Variants in RBM19 observed in about 807,000 individuals in gnomAD.
RBM19 encodes RNA binding motif protein 19, also known as probable RNA-binding protein 19.
RBM19 carries 94 observed loss-of-function variants against 116.8 expected under a neutral mutation model. The observed-to-expected ratio is 0.80, with a 90% CI of 0.68 to 0.95. The LOEUF (loss-of-function observed/expected upper bound fraction) is 0.95. Among genes scored for constraint, RBM19 ranks in the 40% least tolerant of loss-of-function variants. RBM19 has a pLI of 0.00. For missense variants in RBM19, 1,161 were observed against 1,220.7 expected (o/e 0.95, Z 0.73); for synonymous variants, 475 against 494.1 (o/e 0.96, Z 0.51).
In RBM19 at chr12:113,957,828, T is replaced by C. The variant is rs1342393684; in HGVS notation, c.794A>G (p.Gln265Arg). Reference sequence around the variant, plus strand: ...TCTCTTTTTCCCAGCTGGCATCCCTTGCTCTTGGCCTGCACCCTTGCTGTC... The same window carrying C: ...TCTCTTTTTCCCAGCTGGCATCCCTCGCTCTTGGCCTGCACCCTTGCTGTC... ...ERDSKGAGQE[Q>R]GMPAGKKRPP... The change falls in exon 6 of 24, where the codon CAA (glutamine) becomes CGA (arginine). Residue 265 changes from glutamine to arginine, a missense_variant. By Grantham distance (43) the Gln-to-Arg change is conservative. Transcript: ENST00000261741. The C allele has an allele frequency of 6.2e-7, 1 of 1,611,170 alleles. No homozygotes were observed. The highest frequency in any genetic ancestry group is 2.2e-5 in the East Asian group (1 of 44,808).
At chr12:113,839,482 A>ATTTATC (rs1876274969) in intron 23 of RBM19, among the ~76,000 whole-genome samples, 1 of 152,252 alleles carries the variant, frequency 6.6e-6, no homozygotes, top group Admixed American at 6.5e-5. Flanking sequence ...GAGGACGGAT[A>ATTTATC]GAGAGGTAAA....
rs1347369290 is a variant in RBM19 at position 113,927,219 on chromosome 12, G to A, written c.2079C>T (p.Gly693=). The A allele has an allele frequency of 3.8e-6, 6 of 1,558,582 alleles. No individual in the cohort carries two copies. The South Asian group carries it at 4.7e-5, about 12-fold the overall frequency. ...TTGGATTTTCATCTTCTGGGGTTTCGCCATCAGGCACTGAACCCCCATCAA... is the reference window on the plus strand; with the variant it reads ...TTGGATTTTCATCTTCTGGGGTTTCACCATCAGGCACTGAACCCCCATCAA... ...DPAEPETVPD[G]ETPEDENPTE... is the part of the protein sequence containing the mutation. Residue 693 remains glycine, a synonymous_variant, in exon 17 of 24, where the codon GGC becomes GGT. Coordinates refer to ENST00000261741, the MANE Select transcript of RBM19 (RefSeq NM_016196.4).
chr12:113,891,929 C>T (rs1015096895), intron 21 of RBM19, among the ~76,000 whole-genome samples: 3 of 152,172 alleles, frequency 2.0e-5, no homozygotes, highest in South Asian at 2.1e-4. Context: ...TTTGTTCCTC[C>T]GTCGTGTGTC....
At chr12:113,915,901 G>A (rs1314403670) in intron 20 of RBM19, among the ~76,000 whole-genome samples, 1 of 152,150 alleles carries the variant, frequency 6.6e-6, no homozygotes, top group Non-Finnish European at 1.5e-5. Flanking sequence ...CCTGCTCCAC[G>A]TCACCTCCTC....
At chr12:113,923,992 G>A (rs143745167) in intron 18 of RBM19, among the ~76,000 whole-genome samples, 69 of 152,346 alleles carry the variant, frequency 4.5e-4, no homozygotes, top group African/African-American at 1.6e-3. Flanking sequence ...CACAGTTTGG[G>A]CTGACACATG....
intron 5 of RBM19, among the ~76,000 whole-genome samples, chr12:113,958,352 G>T (rs563925444): frequency 6.6e-6 from 1 of 152,120 alleles, no homozygotes. Flanking sequence ...GGTACAGGAC[G>T]GTCAGTCTCT....
Position 113,962,401 on chromosome 12 carries a change from C to T in RBM19, c.50G>A (p.Arg17His), listed in dbSNP as rs375250658. 3.6e-5 allele frequency: 58 copies of T among 1,613,432 alleles called. 1 individual carries two copies. The East Asian group carries it at 4.0e-4, about 11-fold the overall frequency. ...KNLPNGMKEE[R>H]FRQLFAAFGT... Reference sequence around the variant, plus strand: ...GAAGGCGGCAAACAGCTGCCTGAAACGCTCCTCCTTCATCTAGGACAGAGG... The same window carrying T: ...GAAGGCGGCAAACAGCTGCCTGAAATGCTCCTCCTTCATCTAGGACAGAGG... Residue 17 changes from arginine to histidine, a missense_variant, in exon 2 of 24, where the codon CGT becomes CAT. Coordinates refer to ENST00000261741, the MANE Select transcript of RBM19 (RefSeq NM_016196.4).
At chr12:113,915,697 G>A (rs1194182752) in intron 20 of RBM19, among the ~76,000 whole-genome samples, 1 of 152,206 alleles carries the variant, frequency 6.6e-6, no homozygotes, top group East Asian at 1.9e-4. Context: ...GGATCTCTGC[G>A]ATCTTGGGCA....
intron 23 of RBM19, among the ~76,000 whole-genome samples, chr12:113,832,069 G>C (rs188949338): frequency 6.6e-6 from 1 of 152,228 alleles, no homozygotes; most frequent in Admixed American, 6.5e-5. Flanking sequence ...ATAGCCAGGG[G>C]TGTGAGAAAG....
intron 7 of RBM19, among the ~76,000 whole-genome samples, chr12:113,953,107 T>A (rs1871610794): frequency 6.6e-6 from 1 of 152,192 alleles, no homozygotes; most frequent in African/African-American, 2.4e-5. Context: ...AAGTTGTAAT[T>A]CAGATATTTA....
At chr12:113,867,877 C>T (rs1878940939) in intron 21 of RBM19, among the ~76,000 whole-genome samples, 1 of 151,962 alleles carries the variant, frequency 6.6e-6, no homozygotes, top group Non-Finnish European at 1.5e-5. Flanking sequence ...TACAGAGAGC[C>T]GAGATTGCAC....
chr12:113,847,136 G>A (rs915409392), intron 22 of RBM19, among the ~76,000 whole-genome samples: 12 of 152,104 alleles, frequency 7.9e-5, no homozygotes, highest in Non-Finnish European at 1.6e-4. Context: ...ATCCCTATTG[G>A]GGCTGGCTGT....
At chr12:113,863,481 C>G in intron 21 of RBM19, among the ~76,000 whole-genome samples, 1 of 152,158 alleles carries the variant, frequency 6.6e-6, no homozygotes, top group Non-Finnish European at 1.5e-5. Flanking sequence ...TGTGCTGGTA[C>G]CTGGAGCCTG....
At chr12:113,863,236 T>TGTGTGTGTGTGA (rs1555232815) in intron 21 of RBM19, among the ~76,000 whole-genome samples, 111 of 142,184 alleles carry the variant, frequency 7.8e-4, no homozygotes, top group East Asian at 6.5e-3. Context: ...TGTGTGTGTG[T>TGTGTGTGTGTGA]GGGGCCAGCG....
At chr12:113,909,914 T>C (rs752197173) in intron 21 of RBM19, among the ~76,000 whole-genome samples, 3 of 152,222 alleles carry the variant, frequency 2.0e-5, no homozygotes, top group Non-Finnish European at 4.4e-5. Flanking sequence ...ATCACCCAGC[T>C]GTCAGGCAGG....
Position 113,903,129 on chromosome 12 carries a change from C to T in RBM19, c.2558+11840G>A, listed in dbSNP as rs1340272758. ...TCTACGGATGTGCCTAGTCATCCCT[C>T]GGTATCCACAGGGGATGGGTTCCAG... On this transcript the variant is annotated intron_variant, in intron 21 of 23. Coordinates refer to ENST00000261741, the MANE Select transcript of RBM19 (RefSeq NM_016196.4). This position sits in a 1 kb window ranked among gnomAD's most constrained non-coding sequence, Gnocchi z 5.1. Among the ~76,000 whole-genome samples, 6 of 152,266 alleles carry T rather than the reference C, an allele frequency of 3.9e-5. No individual in the cohort carries two copies. The East Asian group carries it at 7.7e-4, about 20-fold the overall frequency.
intron 21 of RBM19, among the ~76,000 whole-genome samples, chr12:113,871,824 G>A (rs906736130): frequency 5.9e-5 from 9 of 152,166 alleles, no homozygotes; most frequent in Admixed American, 1.3e-4. Flanking sequence ...CCGCGCCGGC[G>A]AGCGCCGCCC....
intron 21 of RBM19, among the ~76,000 whole-genome samples, chr12:113,897,350 G>A (rs1466584115): frequency 3.9e-5 from 6 of 152,188 alleles, no homozygotes; most frequent in African/African-American, 1.4e-4. Context: ...ATTTTTAGTA[G>A]AGATGGGGTT....
chr12:113,961,563 T>C (rs1386343371), intron 2 of RBM19, among the ~76,000 whole-genome samples: 1 of 152,240 alleles, frequency 6.6e-6, no homozygotes, highest in African/African-American at 2.4e-5. Flanking sequence ...TGTGTCTATA[T>C]AGGATCACGA....
Sources: gnomAD v4.1 joint callset for allele counts (sites outside exome capture counted in the v4.1 genomes callset) on GRCh38, gnomAD v4.1.1 for gene constraint, Gnocchi (gnomAD v3.1) non-coding constraint, MANE v1.5 for transcripts, NCBI Gene and HGNC (gene_info 2026-07-23, HGNC 2026-07-21) for gene names.